Variants in SLC24A5 observed in about 807,000 individuals in gnomAD.
SLC24A5 encodes solute carrier family 24 member 5.
In SLC24A5, 46 loss-of-function variants were observed where a neutral mutation model predicts 51.6. The ratio of observed to expected loss-of-function variants is 0.89; its 90% CI spans 0.70 to 1.14. The LOEUF (loss-of-function observed/expected upper bound fraction) is 1.14. Among genes scored for constraint, SLC24A5 ranks in the 50% most tolerant of loss-of-function variants. The probability of loss-of-function intolerance (pLI) is 0.00; values close to 1 mark genes in which losing one functional copy is unlikely to be tolerated. For synonymous variants in SLC24A5, 230 were observed against 214.9 expected (o/e 1.07, Z -0.62); for missense variants, 581 against 604.1 (o/e 0.96, Z 0.40).
rs1220156335 is a variant in SLC24A5 at position 48,125,790 on chromosome 15, T to C, written c.301+3754T>C. Among the ~76,000 whole-genome samples the C allele has an allele frequency of 4.6e-5, 7 of 152,308 alleles. 1 individual carries two copies. Among genetic ancestry groups the C allele is most frequent in the Non-Finnish European group, 8.8e-5 (6 of 68,026 alleles). ...CCAAGATCATGAGATCATAATGTAG[T>C]ACAGTGGAACTTCATCATCATAGAT... On this transcript the variant is annotated intron_variant, in intron 2 of 8. Transcript: ENST00000341459.
In SLC24A5 at chr15:48,121,109, C is replaced by G. The variant is rs751629940; in HGVS notation, c.65C>G (p.Thr22Ser). Residue 22 changes from threonine to serine, a missense_variant, in exon 1 of 9, where the codon ACT becomes AGT. By Grantham distance (58) the Thr-to-Ser change is moderately conservative (BLOSUM62 1). Coordinates refer to ENST00000341459, the MANE Select transcript of SLC24A5 (RefSeq NM_205850.3). ...RALLLGILWATAHLPLSGTSL... is the reference protein window; with the variant it reads ...RALLLGILWASAHLPLSGTSL... ...CTGTTGCTCGGCATCCTGTGGGCCACTGCACATCTGCCTCTCTCAGGGACC... is the reference window on the plus strand; with the variant it reads ...CTGTTGCTCGGCATCCTGTGGGCCAGTGCACATCTGCCTCTCTCAGGGACC... 11 of 1,613,784 alleles carry G rather than the reference C, an allele frequency of 6.8e-6. No homozygotes were observed. The African/African-American group carries it at 9.3e-5, about 14-fold the overall frequency.
In SLC24A5 at chr15:48,142,166, T is replaced by A. The variant is rs1208826820; in HGVS notation, c.1318T>A (p.Tyr440Asn). The part of the protein sequence containing the change: ...PAEVNSRGLT[Y>N]ITISLNISII... Reference sequence around the variant, plus strand: ...AGAAGTAAACAGCAGAGGACTAACTTACATAACCATCTCTCTCAACATTTC... The same window carrying A: ...AGAAGTAAACAGCAGAGGACTAACTAACATAACCATCTCTCTCAACATTTC... Residue 440 changes from tyrosine (Y) to asparagine (N), a missense_variant, in exon 9 of 9, where the codon TAC (tyrosine) becomes AAC (asparagine). Coordinates refer to ENST00000341459, the MANE Select transcript of SLC24A5 (RefSeq NM_205850.3). 4 of 1,613,756 alleles carry A rather than the reference T, an allele frequency of 2.5e-6. No individual in the cohort carries two copies. The highest frequency in any genetic ancestry group is 2.5e-6 in the Non-Finnish European group (3 of 1,179,898).
At chr15:48,130,804 G>T (rs887239333) in intron 2 of SLC24A5, among the ~76,000 whole-genome samples, 1 of 152,096 alleles carries the variant, frequency 6.6e-6, no homozygotes, top group Non-Finnish European at 1.5e-5. Context: ...GAATGAGGGT[G>T]ATTATGGTGC....
Position 48,142,066 on chromosome 15 carries a change from C to T in SLC24A5, c.1218C>T (p.Ser406=), listed in dbSNP as rs151021808. 1.9e-6 allele frequency: 3 copies of T among 1,613,306 alleles called. No homozygotes were observed. Among genetic ancestry groups the T allele is most frequent in the Non-Finnish European group, 2.5e-6 (3 of 1,179,746 alleles). The change falls in exon 9 of 9, where the codon TCC becomes TCT. Residue 406 remains serine, a synonymous_variant. Coordinates refer to ENST00000341459, the MANE Select transcript of SLC24A5 (RefSeq NM_205850.3). ...GDMAMSNIVG[S]NVFDMLCLGI... ...TGGCTATGTCTAACATCGTGGGATC[C>T]AATGTGTTTGATATGTTGTGCCTTG...
intron 2 of SLC24A5, among the ~76,000 whole-genome samples, chr15:48,131,043 C>G (rs555735164): frequency 3.3e-5 from 5 of 152,214 alleles, no homozygotes; most frequent in African/African-American, 1.2e-4. Flanking sequence ...TACCACCACT[C>G]ATATTTCATG....
At chr15:48,124,633 C>G (rs908175333) in intron 2 of SLC24A5, 1 of 152,076 alleles carries the variant, frequency 6.6e-6, no homozygotes, top group Non-Finnish European at 1.5e-5. Flanking sequence ...CTTTCTAGCC[C>G]TGTAGAAGAC....
intron 5 of SLC24A5, 141 bp downstream of exon 5, chr15:48,135,125 C>T (rs547339142): frequency 1.7e-6 from 1 of 591,292 alleles, no homozygotes; most frequent in African/African-American, 1.9e-5. Flanking sequence ...GTGAGTTAAC[C>T]TCATCACAAT....
At chr15:48,121,773 T>C in intron 1 of SLC24A5, 84 bp from the exon 2 acceptor site, 1 of 1,378,806 alleles carries the variant, frequency 7.3e-7, no homozygotes, top group Non-Finnish European at 1.0e-6. Flanking sequence ...ACCCCACACT[T>C]ACAGATTTCT....
Position 48,139,191 on chromosome 15 carries a change from A to C in SLC24A5, c.1078+16A>C, listed in dbSNP as rs2038980016. On this transcript the variant is annotated intron_variant, in intron 7 of 8. Coordinates refer to ENST00000341459, the MANE Select transcript of SLC24A5 (RefSeq NM_205850.3). ...ACAATAACTGGTATGTATTTTAAGT[A>C]CAATAGCACAACTTGAAAATATTCA... 2 of 1,573,900 alleles carry C rather than the reference A, an allele frequency of 1.3e-6. No homozygotes were observed. The highest frequency in any genetic ancestry group is 1.7e-6 in the Non-Finnish European group (2 of 1,147,442).
chr15:48,134,502 T>C lies in SLC24A5; in HGVS notation c.453T>C (p.Leu151=), dbSNP rs762592022. 11 of 1,613,434 alleles carry C rather than the reference T, an allele frequency of 6.8e-6. No homozygotes were observed. In the South Asian group the frequency reaches 1.2e-4, roughly 18 times the overall value. ...TILGSAIYNL[L]GICAACGLLS... ...TTGGATCTGCAATTTATAATCTCCT[T>C]GGCATCTGTGCTGCCTGTGGTTTGC... The change falls in exon 4 of 9, where the codon CTT becomes CTC. Residue 151 remains leucine (L), a synonymous_variant. Coordinates refer to ENST00000341459, the MANE Select transcript of SLC24A5 (RefSeq NM_205850.3).
intron 5 of SLC24A5, chr15:48,135,881 C>T (rs2038886342): frequency 6.6e-6 from 1 of 152,118 alleles, no homozygotes. Context: ...AGAAATCCTT[C>T]TAGAACTCAG....
intron 6 of SLC24A5, chr15:48,137,924 A>C (rs928098592): frequency 2.0e-5 from 3 of 152,076 alleles, no homozygotes; most frequent in Non-Finnish European, 1.5e-5. Context: ...ACCTTTTTAT[A>C]AAGTGGTTGT....
intron 2 of SLC24A5, 139 bp downstream of exon 2, chr15:48,122,175 G>T: frequency 1.1e-6 from 1 of 875,992 alleles, no homozygotes; most frequent in South Asian, 1.4e-5. Flanking sequence ...GGGGTCCCGT[G>T]TCTTAAGGAA....
chr15:48,127,923 T>C (rs537716640), intron 2 of SLC24A5, among the ~76,000 whole-genome samples: 129 of 151,670 alleles, frequency 8.5e-4, no homozygotes, highest in Non-Finnish European at 1.4e-3. Flanking sequence ...CTTCATCTTT[T>C]ATTGTTTAAA....
At chr15:48,138,113 C>A (rs552300817) in intron 6 of SLC24A5, 1 of 152,088 alleles carries the variant, frequency 6.6e-6, no homozygotes, top group East Asian at 1.9e-4. Context: ...AAGAACCAAT[C>A]CAAATTCTTT....
At position 48,138,669 on chromosome 15, in the gene SLC24A5, T is replaced by C. The variant is rs573223411; in HGVS notation, c.872-300T>C. 17 of 251,878 alleles carry C rather than the reference T, an allele frequency of 6.7e-5. No individual in the cohort carries two copies. The South Asian group carries it at 1.2e-3, about 18-fold the overall frequency. 15.6% of individuals were successfully genotyped at this position (251,878 alleles called of 1,614,324 possible). A position where few individuals can be genotyped will look rare whatever the true frequency, so the allele number is the denominator to read the frequency against. On this transcript the variant is annotated intron_variant, in intron 6 of 8. Coordinates refer to ENST00000341459, the MANE Select transcript of SLC24A5 (RefSeq NM_205850.3). ...GTTACTGAAGACAATCCACAGGAGA[T>C]GTCCAATTGACACTTCATAAACACT...
At chr15:48,122,672 C>T (rs2038692102) in intron 2 of SLC24A5, 1 of 153,628 alleles carries the variant, frequency 6.5e-6, no homozygotes, top group Admixed American at 6.4e-5. Flanking sequence ...CGGTCCAAGC[C>T]TCTGAGCTCT....
rs747636433 is a variant in SLC24A5 at position 48,142,204 on chromosome 15, T to G, written c.1356T>G (p.Leu452=). The change falls in exon 9 of 9, where the codon CTT becomes CTG. Residue 452 remains leucine, a synonymous_variant. Transcript: ENST00000341459. ...CTCTCAACATTTCAATTATTTTTCT[T>G]TTTTTAGCAGTTCACTTCAATGGCT... ...TISLNISIIF[L]FLAVHFNGWK... 6.2e-7 allele frequency: 1 copy of G among 1,613,840 alleles called. No individual in the cohort carries two copies. The highest frequency in any genetic ancestry group is 1.3e-5 in the African/African-American group (1 of 75,032).
At chr15:48,125,520 A>C (rs2038722257) in intron 2 of SLC24A5, among the ~76,000 whole-genome samples, 1 of 152,142 alleles carries the variant, frequency 6.6e-6, no homozygotes, top group Admixed American at 6.5e-5. Context: ...CGTTGCTAGA[A>C]TATAGTTGTT....
Sources: gnomAD v4.1 joint callset for allele counts (sites outside exome capture counted in the v4.1 genomes callset) on GRCh38, gnomAD v4.1.1 for gene constraint, MANE v1.5 for transcripts, NCBI Gene and HGNC (gene_info 2026-07-23, HGNC 2026-07-21) for gene names.